CEP128: variants seen among roughly 807,000 people sequenced by gnomAD.
The protein encoded by CEP128 is centrosomal protein 128kDa.
In CEP128, 132 loss-of-function variants were observed where a neutral mutation model predicts 156.7. That is an observed-to-expected ratio of 0.84 (90% CI 0.73 to 0.97). The LOEUF is 0.97. Ranked by LOEUF, CEP128 falls within the 50% of genes least tolerant of loss-of-function variation. The pLI, the probability that CEP128 is intolerant of heterozygous loss-of-function variation, is 0.00. For synonymous variants in CEP128, 469 were observed against 448.9 expected (o/e 1.04, Z -0.57); for missense variants, 1,252 against 1,281.9 (o/e 0.98, Z 0.36).
At chr14:80,626,504 C>T (rs575305375) in intron 19 of CEP128, among the ~76,000 whole-genome samples, 7 of 140,458 alleles carry the variant, frequency 5.0e-5, no homozygotes, top group Non-Finnish European at 1.1e-4. Context: ...AAGAGTGAGA[C>T]AGGGGAGACT....
chr14:80,576,641 G>C (rs111623918), intron 20 of CEP128, among the ~76,000 whole-genome samples: 1 of 94,258 alleles, frequency 1.1e-5, no homozygotes, highest in Admixed American at 9.9e-5. Context: ...GTGTGTGTGT[G>C]TGTGTGTGTG....
At chr14:80,663,761 G>C (rs1433069197) in intron 19 of CEP128, among the ~76,000 whole-genome samples, 3 of 152,176 alleles carry the variant, frequency 2.0e-5, no homozygotes, top group Admixed American at 2.0e-4. Flanking sequence ...TGCAGCCAGA[G>C]AGCTAGGAAA....
At chr14:80,495,533 T>C (rs1280230046), downstream of CEP128, among the ~76,000 whole-genome samples, 2 of 151,652 alleles carry the variant, frequency 1.3e-5, no homozygotes, top group Non-Finnish European at 2.9e-5. Context: ...ATGGCTTTTT[T>C]TTTTAGATTT....
intron 2 of CEP128, among the ~76,000 whole-genome samples, chr14:80,934,433 C>T (rs763229366): frequency 2.0e-5 from 3 of 152,136 alleles, no homozygotes; most frequent in African/African-American, 4.8e-5. Flanking sequence ...GAAATCAGAA[C>T]ATCAGAGGTA....
intron 13 of CEP128, among the ~76,000 whole-genome samples, chr14:80,802,742 T>A (rs967240178): frequency 9.2e-5 from 14 of 152,164 alleles, no homozygotes; most frequent in Admixed American, 3.9e-4. Flanking sequence ...GTTTAAGCTT[T>A]CAAAGGTTTT....
At chr14:80,728,567 A>G (rs972123676) in intron 19 of CEP128, among the ~76,000 whole-genome samples, 1 of 152,192 alleles carries the variant, frequency 6.6e-6, no homozygotes, top group South Asian at 2.1e-4. Context: ...CAAATTCCAA[A>G]AGGAGGAGGA....
intron 2 of CEP128, among the ~76,000 whole-genome samples, chr14:80,949,638 T>C (rs1886420349): frequency 6.6e-6 from 1 of 152,208 alleles, no homozygotes; most frequent in African/African-American, 2.4e-5. Flanking sequence ...CCCTAGATTA[T>C]ATGCTGTGCT....
intron 15 of CEP128, 143 bp downstream of exon 15, chr14:80,784,752 T>A: frequency 1.4e-6 from 1 of 739,008 alleles, no homozygotes; most frequent in South Asian, 1.9e-5. Context: ...CGAACAGGCA[T>A]GAATAAGCCT....
chr14:80,653,035 G>A (rs1480196012), intron 19 of CEP128, among the ~76,000 whole-genome samples: 1 of 152,134 alleles, frequency 6.6e-6, no homozygotes, highest in Non-Finnish European at 1.5e-5. Context: ...CATGTCCTTT[G>A]CAGAAACATG....
intron 20 of CEP128, among the ~76,000 whole-genome samples, chr14:80,566,313 T>C (rs1266088252): frequency 3.3e-5 from 5 of 152,188 alleles, no homozygotes; most frequent in Non-Finnish European, 7.4e-5. Context: ...CATTTCCCCA[T>C]GACAATCCAT....
intron 19 of CEP128, among the ~76,000 whole-genome samples, chr14:80,736,729 G>T (rs1456561213): frequency 2.0e-5 from 3 of 152,182 alleles, no homozygotes; most frequent in African/African-American, 7.2e-5. Context: ...GTGAAAAAGG[G>T]AGGGCTCAGA....
At chr14:80,946,856 G>A (rs964155900) in intron 2 of CEP128, among the ~76,000 whole-genome samples, 2 of 152,186 alleles carry the variant, frequency 1.3e-5, no homozygotes, top group African/African-American at 2.4e-5. Flanking sequence ...CTAATGTTGG[G>A]GGTGGGACGT....
At chr14:80,808,035 T>A (rs986586944) in intron 13 of CEP128, among the ~76,000 whole-genome samples, 1 of 152,016 alleles carries the variant, frequency 6.6e-6, no homozygotes, top group Non-Finnish European at 1.5e-5. Context: ...GCAAGCACCT[T>A]CCAGAGCCCA....
At chr14:80,662,872 A>G (rs1895458121) in intron 19 of CEP128, among the ~76,000 whole-genome samples, 1 of 152,204 alleles carries the variant, frequency 6.6e-6, no homozygotes, top group South Asian at 2.1e-4. Flanking sequence ...TACAAGAATC[A>G]TTAAACAAAT....
intron 19 of CEP128, among the ~76,000 whole-genome samples, chr14:80,655,690 G>A (rs1372542129): frequency 6.6e-6 from 1 of 152,120 alleles, no homozygotes; most frequent in Non-Finnish European, 1.5e-5. Context: ...CAGGAAAGAG[G>A]CACCTACCCT....
At chr14:80,534,112 T>G (rs1889362870) in intron 21 of CEP128, among the ~76,000 whole-genome samples, 1 of 151,942 alleles carries the variant, frequency 6.6e-6, no homozygotes, top group East Asian at 1.9e-4. Flanking sequence ...TTAAGTGATA[T>G]TTTTTGGGAG....
chr14:80,808,626 G>A (rs77876506), intron 13 of CEP128, among the ~76,000 whole-genome samples: 7,552 of 151,802 alleles, frequency 0.05, 201 homozygotes, highest in Middle Eastern at 0.065. Flanking sequence ...AGGCATGCTC[G>A]GCCCACCATT....
At chr14:80,736,647 T>C (rs978085784) in intron 19 of CEP128, among the ~76,000 whole-genome samples, 2 of 152,194 alleles carry the variant, frequency 1.3e-5, no homozygotes, top group Non-Finnish European at 2.9e-5. Flanking sequence ...ACTGGAAATA[T>C]TGAAAATCTT....
chr14:80,536,647 T>C (rs1167461433), intron 21 of CEP128, among the ~76,000 whole-genome samples: 1 of 152,228 alleles, frequency 6.6e-6, no homozygotes, highest in Admixed American at 6.5e-5. Flanking sequence ...TCACTTGTGG[T>C]AACTCGATCC....
Sources: gnomAD v4.1 joint callset for allele counts (sites outside exome capture counted in the v4.1 genomes callset) on GRCh38, gnomAD v4.1.1 for gene constraint, MANE v1.5 for transcripts, NCBI Gene and HGNC (gene_info 2026-07-23, HGNC 2026-07-21) for gene names.